Variants in ANKHD1 observed in about 807,000 individuals in gnomAD.
ANKHD1 encodes ankyrin repeat and KH domain-containing protein 1.
ANKHD1 carries 31 observed loss-of-function variants against 230.5 expected under a neutral mutation model. That is an observed-to-expected ratio of 0.13 (90% CI 0.10 to 0.18). The LOEUF is 0.18. ANKHD1 is among the 10% of genes least tolerant of loss of function. ANKHD1 has a pLI of 1.00. For missense variants in ANKHD1, 2,256 were observed against 3,071.3 expected (o/e 0.73, Z 6.27); for synonymous variants, 1,074 against 1,117.6 (o/e 0.96, Z 0.78).
chr5:140,470,250 C>CTA (rs149570486), intron 10 of ANKHD1, among the ~76,000 whole-genome samples: 8,652 of 151,848 alleles, frequency 0.057, 842 homozygotes, highest in African/African-American at 0.2. Context: ...GTTAATTATT[C>CTA]TATTAATTTT....
intron 10 of ANKHD1, among the ~76,000 whole-genome samples, chr5:140,469,508 A>AAAAC (rs914979967): frequency 5.3e-5 from 8 of 152,080 alleles, no homozygotes; most frequent in Non-Finnish European, 8.8e-5. Flanking sequence ...CCCTATCTCA[A>AAAAC]AAACAAACAA....
chr5:140,444,360 G>A (rs1054133890), intron 5 of ANKHD1, among the ~76,000 whole-genome samples: 1 of 151,834 alleles, frequency 6.6e-6, no homozygotes, highest in African/African-American at 2.4e-5. Flanking sequence ...TAATTAATTC[G>A]TTCATTTTGT....
intron 24 of ANKHD1, among the ~76,000 whole-genome samples, chr5:140,514,472 T>C (rs1752898545): frequency 6.6e-6 from 1 of 152,140 alleles, no homozygotes; most frequent in Non-Finnish European, 1.5e-5. Context: ...CTAGCCTGGG[T>C]GACAGAGTGA....
At chr5:140,451,152 A>C (rs1242845389) in intron 7 of ANKHD1, among the ~76,000 whole-genome samples, 1 of 152,078 alleles carries the variant, frequency 6.6e-6, no homozygotes, top group East Asian at 1.9e-4. Flanking sequence ...ACTCTGTCTC[A>C]AAAAACAAAA....
At chr5:140,430,652 CTTTTTTTT>C (rs34643827) in intron 1 of ANKHD1, among the ~76,000 whole-genome samples, 1 of 114,706 alleles carries the variant, frequency 8.7e-6, no homozygotes, top group Non-Finnish European at 1.8e-5. Context: ...TGGTTTCCAT[CTTTTTTTT>C]TTTTTTTTTT....
intron 7 of ANKHD1, among the ~76,000 whole-genome samples, chr5:140,452,533 A>G (rs2126948942): frequency 6.6e-6 from 1 of 152,288 alleles, no homozygotes; most frequent in Admixed American, 6.5e-5. Flanking sequence ...TTCCAGAGGA[A>G]CGATCAGGCA....
chr5:140,406,056 A>G (rs1023391433), intron 1 of ANKHD1, among the ~76,000 whole-genome samples: 25 of 152,074 alleles, frequency 1.6e-4, no homozygotes, highest in African/African-American at 5.5e-4. Context: ...CCTGGCCAAC[A>G]TGGCAAAATT....
At chr5:140,471,871 A>G (rs1776520551) in intron 10 of ANKHD1, among the ~76,000 whole-genome samples, 1 of 151,878 alleles carries the variant, frequency 6.6e-6, no homozygotes, top group Non-Finnish European at 1.5e-5. Context: ...CGTCCTCCCA[A>G]CTTCTGATAT....
intron 1 of ANKHD1, among the ~76,000 whole-genome samples, chr5:140,429,176 C>G (rs1772817373): frequency 6.6e-6 from 1 of 151,272 alleles, no homozygotes; most frequent in Non-Finnish European, 1.5e-5. Context: ...TCACTCTAAC[C>G]TCCACCTCCC....
intron 32 of ANKHD1, 114 bp downstream of exon 32, chr5:140,538,375 G>T: frequency 1.3e-6 from 2 of 1,501,070 alleles, no homozygotes; most frequent in Non-Finnish European, 8.9e-7. Flanking sequence ...GGCTTTGCTA[G>T]ATCTTTTGCT....
chr5:140,412,219 G>T (rs1253623562), intron 1 of ANKHD1, among the ~76,000 whole-genome samples: 1 of 151,916 alleles, frequency 6.6e-6, no homozygotes, highest in Non-Finnish European at 1.5e-5. Flanking sequence ...TGTATTTTTA[G>T]TAGAGATGGG....
intron 15 of ANKHD1, 52 bp from the exon 16 acceptor site, chr5:140,504,769 A>C (rs1752475931): frequency 7.6e-6 from 12 of 1,584,606 alleles, no homozygotes; most frequent in Middle Eastern, 1.7e-4. Flanking sequence ...TCTATGTACA[A>C]ATAACCTTAC....
intron 1 of ANKHD1, among the ~76,000 whole-genome samples, chr5:140,427,150 C>G (rs13162341): frequency 7.0e-6 from 1 of 142,596 alleles, no homozygotes; most frequent in East Asian, 2.1e-4. Context: ...AGGGGGCTGA[C>G]CCCCCCCACC....
Position 140,526,957 on chromosome 5 carries a change from T to C in ANKHD1, c.4970T>C (p.Leu1657Ser). 1.2e-6 allele frequency: 2 copies of C among 1,613,168 alleles called. No individual in the cohort carries two copies. The highest frequency in any genetic ancestry group is 1.7e-6 in the Non-Finnish European group (2 of 1,179,658). ...RLEGEVTPNS[L>S]STSYKTVSLP... Reference sequence around the variant, plus strand: ...GAAGGTGAAGTGACTCCTAATTCCTTGTCAACCAGCTACAAGACAGTGTCA... The same window carrying C: ...GAAGGTGAAGTGACTCCTAATTCCTCGTCAACCAGCTACAAGACAGTGTCA... Residue 1657 changes from leucine (L) to serine (S), a missense_variant, in exon 27 of 34, where the codon TTG (leucine) becomes TCG (serine). Leu to Ser is a moderately radical substitution (Grantham distance 145, BLOSUM62 -2). Around this residue, in one of 13 missense-constraint regions of ANKHD1, gnomAD observed 212 missense variants for 257.3 expected, o/e 0.82. Coordinates refer to ENST00000360839, the MANE Select transcript of ANKHD1 (RefSeq NM_017747.3).
At chr5:140,428,836 G>A (rs1772775169) in intron 1 of ANKHD1, among the ~76,000 whole-genome samples, 1 of 151,810 alleles carries the variant, frequency 6.6e-6, no homozygotes, top group Non-Finnish European at 1.5e-5. Context: ...AGGTTAGAGT[G>A]CAGTGGCGCG....
At chr5:140,436,313 C>G (rs1773443670) in intron 2 of ANKHD1, 56 bp downstream of exon 2, 1 of 1,361,486 alleles carries the variant, frequency 7.3e-7, no homozygotes, top group Non-Finnish European at 9.5e-7. Context: ...GATCTCTTTA[C>G]AGTTACATGA....
chr5:140,452,337 T>A (rs1184872744), intron 7 of ANKHD1, among the ~76,000 whole-genome samples: 3 of 152,208 alleles, frequency 2.0e-5, no homozygotes. Context: ...CTCTGCAGAC[T>A]TAAATGTCCC....
chr5:140,427,650 A>C (rs1205328035), intron 1 of ANKHD1, among the ~76,000 whole-genome samples: 6 of 106,814 alleles, frequency 5.6e-5, no homozygotes, highest in Admixed American at 9.8e-5. Context: ...CGGGGGGCTG[A>C]CCCCCCCACC....
chr5:140,523,466 G>A (rs966277617), intron 24 of ANKHD1, among the ~76,000 whole-genome samples: 1 of 150,490 alleles, frequency 6.6e-6, no homozygotes, highest in Non-Finnish European at 1.5e-5. Flanking sequence ...TTTCATTCGT[G>A]AGTTGTAAGA....
Sources: gnomAD v4.1 joint callset for allele counts (sites outside exome capture counted in the v4.1 genomes callset) on GRCh38, gnomAD v4.1.1 for gene constraint, gnomAD v4.1.1 regional missense constraint, MANE v1.5 for transcripts, NCBI Gene and HGNC (gene_info 2026-07-23, HGNC 2026-07-21) for gene names.